NFIB: variants seen among roughly 807,000 people sequenced by gnomAD.
NFIB encodes nuclear factor I B.
Under a neutral mutation model 61.5 loss-of-function variants are expected in NFIB, and 11 were observed. That is an observed-to-expected ratio of 0.18 (90% CI 0.11 to 0.30). The LOEUF (loss-of-function observed/expected upper bound fraction) is 0.30, where lower values mean the gene tolerates loss of function less well. Ranked by LOEUF, NFIB falls within the 10% of genes least tolerant of loss-of-function variation. The probability of loss-of-function intolerance (pLI) is 1.00; values close to 1 mark genes in which losing one functional copy is unlikely to be tolerated. For synonymous variants in NFIB, 260 were observed against 216.5 expected, an observed-to-expected ratio of 1.20 and a Z score of -1.76; for missense variants, 471 against 608.9, an observed-to-expected ratio of 0.77 and a Z score of 2.38.
In NFIB at chr9:14,313,664, C is replaced by A; in HGVS notation, c.-153G>T. 2.7e-6 allele frequency: 4 copies of A among 1,493,746 alleles called. No homozygotes were observed. Among genetic ancestry groups the A allele is most frequent in the Non-Finnish European group, 3.6e-6 (4 of 1,122,192 alleles). 92.5% of individuals were successfully genotyped at this position (1,493,746 alleles called of 1,614,324 possible). A position where few individuals can be genotyped will look rare whatever the true frequency, so the allele number is the denominator to read the frequency against. On this transcript the variant is annotated 5_prime_UTR_variant, in exon 1 of 11. Coordinates refer to ENST00000380953, the MANE Select transcript of NFIB (RefSeq NM_001190737.2). The surrounding 1 kb of genome is among the most constrained non-coding windows in gnomAD (Gnocchi z 4.5). ...GGATCACCGCAACTTCACAACAAAC[C>A]CAGTCCTCCTTAAATAGCCAAAGAT... is the stretch of plus-strand genomic sequence containing the variant.
intron 1 of NFIB, among the ~76,000 whole-genome samples, chr9:14,328,130 C>A (rs1427990680): frequency 6.6e-6 from 1 of 152,162 alleles, no homozygotes; most frequent in East Asian, 1.9e-4. Context: ...ATATCTGGCA[C>A]CTTCTGAATT....
chr9:14,450,600 T>C, the NFIB span, among the ~76,000 whole-genome samples: 2 of 152,146 alleles, frequency 1.3e-5, no homozygotes, highest in Non-Finnish European at 2.9e-5. Flanking sequence ...TAAGTGCCCC[T>C]CTACACTGCA....
intron 10 of NFIB, among the ~76,000 whole-genome samples, chr9:14,103,924 C>A (rs1177866635): frequency 1.4e-5 from 2 of 144,686 alleles, no homozygotes; most frequent in Non-Finnish European, 3.1e-5. Context: ...AATAAATATT[C>A]TTTTTTTTTT....
At chr9:14,487,163 C>G in the NFIB span, among the ~76,000 whole-genome samples, 1 of 152,182 alleles carries the variant, frequency 6.6e-6, no homozygotes, top group South Asian at 2.1e-4. Flanking sequence ...GAAAATTTGC[C>G]CTGGATTCAG....
intron 4 of NFIB, among the ~76,000 whole-genome samples, chr9:14,152,021 T>C (rs905206435): frequency 6.6e-6 from 1 of 152,138 alleles, no homozygotes; most frequent in Non-Finnish European, 1.5e-5. Context: ...ATTTTAATAT[T>C]AGGCAGGCTA....
In NFIB at chr9:14,105,127, G is replaced by C. The variant is rs2036366417; in HGVS notation, c.1467+7872C>G. Among the ~76,000 whole-genome samples, 4 of 151,914 alleles carry C rather than the reference G, an allele frequency of 2.6e-5. No homozygotes were observed. In the South Asian group the frequency reaches 6.2e-4, roughly 24 times the overall value. Reference sequence around the variant, plus strand: ...TTACGACCCCCAAAAATGTCAAATGGGCTATCTTTGACCATATGCTGCACA... The same window carrying C: ...TTACGACCCCCAAAAATGTCAAATGCGCTATCTTTGACCATATGCTGCACA... On this transcript the variant is annotated intron_variant, in intron 10 of 10. Coordinates refer to ENST00000380953, the MANE Select transcript of NFIB (RefSeq NM_001190737.2).
At chr9:14,430,916 A>G in the NFIB span, among the ~76,000 whole-genome samples, 2 of 152,130 alleles carry the variant, frequency 1.3e-5, no homozygotes, top group Non-Finnish European at 2.9e-5. Context: ...TTGGAGAGAC[A>G]GTTTTTGTAA....
At chr9:14,123,172 G>A (rs561935024) in intron 7 of NFIB, among the ~76,000 whole-genome samples, 99 of 151,322 alleles carry the variant, frequency 6.5e-4, no homozygotes, top group African/African-American at 2.3e-3. Flanking sequence ...CAGGAGAATT[G>A]CTTGAACCTG....
chr9:14,467,955 G>T, the NFIB span, among the ~76,000 whole-genome samples: 1 of 152,210 alleles, frequency 6.6e-6, no homozygotes, highest in Non-Finnish European at 1.5e-5. Flanking sequence ...AATTCCAAGT[G>T]TGTGTTCTTT....
chr9:14,353,981 T>G (rs1295958857), intron 1 of NFIB, among the ~76,000 whole-genome samples: 1 of 151,928 alleles, frequency 6.6e-6, no homozygotes, highest in African/African-American at 2.4e-5. Flanking sequence ...AGAGCTGATC[T>G]GGGGCAAATC....
intron 1 of NFIB, among the ~76,000 whole-genome samples, chr9:14,382,643 T>C (rs1194345691): frequency 6.6e-6 from 1 of 151,956 alleles, no homozygotes; most frequent in East Asian, 1.9e-4. Context: ...TGCACGAGGG[T>C]AGCAGGTTAC....
the NFIB span, among the ~76,000 whole-genome samples, chr9:14,420,445 C>CAAAAAA: frequency 0.015 from 643 of 42,386 alleles, 67 homozygotes; most frequent in Non-Finnish European, 0.02. Context: ...GACTCCGTCT[C>CAAAAAA]AAAAAAAAAA....
At chr9:14,368,632 A>G (rs865845082) in intron 1 of NFIB, among the ~76,000 whole-genome samples, 1 of 152,208 alleles carries the variant, frequency 6.6e-6, no homozygotes, top group African/African-American at 2.4e-5. Context: ...AAAGAGATTT[A>G]TACCAGTGCT....
At position 14,085,827 on chromosome 9, in the gene NFIB, G is replaced by T; in HGVS notation, c.*2482C>A. The T allele has an allele frequency of 4.5e-6, 1 of 222,026 alleles. No individual in the cohort carries two copies. Among genetic ancestry groups the T allele is most frequent in the East Asian group, 6.5e-5 (1 of 15,290 alleles). The allele number at this position is 222,026 out of a possible 1,614,324, so 13.8% of individuals were successfully genotyped here. A position where few individuals can be genotyped will look rare whatever the true frequency, so the allele number is the denominator to read the frequency against. On this transcript the variant is annotated 3_prime_UTR_variant, in exon 11 of 11. Transcript: ENST00000380953. ...GGAATACGGGAGACTCCCTCCAACA[G>T]GTCTAATGTGTTTTCTAGGAGAAAG...
intron 3 of NFIB, among the ~76,000 whole-genome samples, chr9:14,158,682 G>A (rs2043760266): frequency 6.6e-6 from 1 of 152,144 alleles, no homozygotes; most frequent in South Asian, 2.1e-4. Flanking sequence ...AGATACAGAT[G>A]GTTTAAGATT....
chr9:14,349,854 C>T (rs576762504), intron 1 of NFIB, among the ~76,000 whole-genome samples: 6 of 152,276 alleles, frequency 3.9e-5, no homozygotes, highest in African/African-American at 1.4e-4. Flanking sequence ...GCGCGGCAGT[C>T]CCCCGCCTCC....
At chr9:14,349,874 A>G (rs1039353224) in intron 1 of NFIB, among the ~76,000 whole-genome samples, 12 of 152,322 alleles carry the variant, frequency 7.9e-5, no homozygotes, top group Admixed American at 3.9e-4. Context: ...CCTTAAAAAA[A>G]GTCATCCTGT....
chr9:14,209,214 T>C (rs147399101), intron 2 of NFIB, among the ~76,000 whole-genome samples: 67 of 152,360 alleles, frequency 4.4e-4, no homozygotes, highest in African/African-American at 1.5e-3. Context: ...TTATGTTCTT[T>C]TCATCACTGA....
At position 14,225,481 on chromosome 9, in the gene NFIB, G is replaced by GAAGAAGAAA. The variant is rs1404999839; in HGVS notation, c.563-45702_563-45701insTTTCTTCTT. On this transcript the variant is annotated intron_variant, in intron 2 of 10. Coordinates refer to ENST00000380953, the MANE Select transcript of NFIB (RefSeq NM_001190737.2). ...CAAAAAAAAAAAAAAAAAAAAAAAA[G>GAAGAAGAAA]AAGAAGAAGAAAATAGGTAATATGA... 1.7e-4 allele frequency among the ~76,000 whole-genome samples: 11 copies of GAAGAAGAAA among 63,496 alleles called. 1 individual carries two copies. The highest frequency in any genetic ancestry group is 3.0e-4 in the Non-Finnish European group (10 of 33,390). The allele number at this position is 63,496 out of a possible 152,430, so 41.7% of individuals were successfully genotyped here.
Sources: allele counts gnomAD v4.1 joint callset (sites outside exome capture counted in the v4.1 genomes callset), GRCh38; gene constraint gnomAD v4.1.1; non-coding constraint Gnocchi (gnomAD v3.1); transcripts MANE v1.5; gene names NCBI Gene and HGNC (gene_info 2026-07-23, HGNC 2026-07-21).